Variants in RAB38 observed in about 807,000 individuals in gnomAD.
The protein encoded by RAB38 is RAB38, member RAS oncogene family.
A neutral mutation model predicts 18.4 loss-of-function variants in RAB38; 15 were observed. The ratio of observed to expected loss-of-function variants is 0.82; its 90% CI spans 0.55 to 1.26. The LOEUF (loss-of-function observed/expected upper bound fraction) is 1.26. RAB38 is among the 50% of genes most tolerant of loss of function. The probability of loss-of-function intolerance (pLI) is 0.00; values close to 1 mark genes in which losing one functional copy is unlikely to be tolerated. For synonymous variants in RAB38, 101 were observed against 104.4 expected (o/e 0.97, Z 0.20); for missense variants, 294 against 267.4 (o/e 1.10, Z -0.69).
At chr11:88,103,097 A>G in the RAB38 span, among the ~76,000 whole-genome samples, 19,845 of 151,980 alleles carry the variant, frequency 0.13, 1,957 homozygotes, top group East Asian at 0.4. Context: ...TGATTTAGGA[A>G]ATTTAATATT....
chr11:88,144,954 GAGCAGGCT>G (rs1942963429), intron 2 of RAB38, among the ~76,000 whole-genome samples: 1 of 152,138 alleles, frequency 6.6e-6, no homozygotes, highest in South Asian at 2.1e-4. Flanking sequence ...GAGCAGAATG[GAGCAGGCT>G]GGAAAGAGCT....
At chr11:88,048,303 G>A in the RAB38 span, among the ~76,000 whole-genome samples, 15 of 152,170 alleles carry the variant, frequency 9.9e-5, no homozygotes, top group Admixed American at 3.3e-4. Context: ...ATAATTCCTC[G>A]GTTTGGCCTT....
chr11:87,886,435 C>G, the RAB38 span, among the ~76,000 whole-genome samples: 1 of 151,794 alleles, frequency 6.6e-6, no homozygotes, highest in Non-Finnish European at 1.5e-5. Context: ...AAATAGCTAC[C>G]AGGGTTGGGC....
the RAB38 span, among the ~76,000 whole-genome samples, chr11:87,872,956 C>T: frequency 6.6e-6 from 1 of 151,548 alleles, no homozygotes; most frequent in African/African-American, 2.4e-5. Context: ...GTTTTCAACT[C>T]ATTTCCACAA....
the RAB38 span, among the ~76,000 whole-genome samples, chr11:88,036,244 T>C: frequency 1.3e-5 from 2 of 152,188 alleles, no homozygotes; most frequent in Admixed American, 1.3e-4. Flanking sequence ...TTGTACTTAC[T>C]CTGCCAAAGA....
the RAB38 span, among the ~76,000 whole-genome samples, chr11:87,872,577 A>C: frequency 6.6e-6 from 1 of 151,606 alleles, no homozygotes; most frequent in Admixed American, 6.6e-5. Context: ...CTGCCCTAAA[A>C]ATCCCCTGTG....
the RAB38 span, among the ~76,000 whole-genome samples, chr11:88,086,683 A>G: frequency 6.6e-6 from 1 of 151,930 alleles, no homozygotes; most frequent in African/African-American, 2.4e-5. Flanking sequence ...TAGCATATGA[A>G]TTTGGTGTCA....
the RAB38 span, among the ~76,000 whole-genome samples, chr11:87,851,286 G>T: frequency 6.6e-6 from 1 of 152,112 alleles, no homozygotes. Context: ...GCTGTGTCTG[G>T]TTCACTTCAG....
At chr11:88,005,632 T>A in the RAB38 span, among the ~76,000 whole-genome samples, 1 of 151,504 alleles carries the variant, frequency 6.6e-6, no homozygotes, top group African/African-American at 2.4e-5. Context: ...TATTTGCTTT[T>A]CTTGCCCATG....
the RAB38 span, among the ~76,000 whole-genome samples, chr11:88,082,160 A>G: frequency 6.6e-6 from 1 of 151,860 alleles, no homozygotes; most frequent in Non-Finnish European, 1.5e-5. Context: ...ATGATCAATA[A>G]TAGAATTGTT....
chr11:87,895,435 G>C, the RAB38 span, among the ~76,000 whole-genome samples: 1 of 151,616 alleles, frequency 6.6e-6, no homozygotes, highest in African/African-American at 2.4e-5. Flanking sequence ...CTTTGCTTTG[G>C]AGAGCAAGAG....
At chr11:88,155,731 T>C (rs557013555) in intron 1 of RAB38, among the ~76,000 whole-genome samples, 3 of 152,278 alleles carry the variant, frequency 2.0e-5, no homozygotes, top group South Asian at 2.1e-4. Flanking sequence ...ATTCAAATCA[T>C]GGATTGCAAG....
At chr11:88,047,346 C>T in the RAB38 span, among the ~76,000 whole-genome samples, 5 of 152,144 alleles carry the variant, frequency 3.3e-5, no homozygotes, top group Non-Finnish European at 5.9e-5. Context: ...CTTTCATGTT[C>T]CTCACCCTGA....
chr11:87,931,198 A>C, the RAB38 span, among the ~76,000 whole-genome samples: 1 of 152,162 alleles, frequency 6.6e-6, no homozygotes, highest in African/African-American at 2.4e-5. Context: ...ACCCATGAGC[A>C]TGGAATGTTC....
the RAB38 span, among the ~76,000 whole-genome samples, chr11:87,957,281 T>TTCTCTACTTCCTGCTTCTC: frequency 6.6e-6 from 1 of 152,104 alleles, no homozygotes; most frequent in Non-Finnish European, 1.5e-5. Context: ...TGGATTGCCT[T>TTCTCTACTTCCTGCTTCTC]TCTCTACTTC....
intron 2 of RAB38, among the ~76,000 whole-genome samples, chr11:88,140,021 T>A (rs1000720561): frequency 3.3e-5 from 5 of 152,260 alleles, no homozygotes; most frequent in Non-Finnish European, 5.9e-5. Flanking sequence ...AAAATTGCTA[T>A]ATTCTGGTCC....
At chr11:87,834,629 G>A in the RAB38 span, among the ~76,000 whole-genome samples, 1 of 152,126 alleles carries the variant, frequency 6.6e-6, no homozygotes, top group African/African-American at 2.4e-5. Flanking sequence ...TTCAGTTGAG[G>A]GAAGGATTTA....
chr11:88,062,605 A>C, the RAB38 span, among the ~76,000 whole-genome samples: 1 of 152,172 alleles, frequency 6.6e-6, no homozygotes, highest in South Asian at 2.1e-4. Context: ...TTTTTCCTAA[A>C]AAGTGATAAG....
chr11:88,078,256 A>C, the RAB38 span, among the ~76,000 whole-genome samples: 1 of 152,066 alleles, frequency 6.6e-6, no homozygotes, highest in Non-Finnish European at 1.5e-5. Flanking sequence ...AACTGTGTGG[A>C]GGTTCCTCAG....
Sources: allele counts gnomAD v4.1 joint callset (sites outside exome capture counted in the v4.1 genomes callset), GRCh38; gene constraint gnomAD v4.1.1; transcripts MANE v1.5; gene names NCBI Gene and HGNC (gene_info 2026-07-23, HGNC 2026-07-21).